KCNT2: variants seen among roughly 807,000 people sequenced by gnomAD.
KCNT2 encodes the protein potassium channel subfamily T member 2.
Under a neutral mutation model 153.8 loss-of-function variants are expected in KCNT2, and 67 were observed. That is an observed-to-expected ratio of 0.44 (90% CI 0.36 to 0.53). The LOEUF is 0.53. KCNT2 is among the 20% of genes least tolerant of loss of function. The probability of loss-of-function intolerance (pLI) is 0.00; values close to 1 mark genes in which losing one functional copy is unlikely to be tolerated. For missense variants in KCNT2, 975 were observed against 1,354.8 expected, an observed-to-expected ratio of 0.72 and a Z score of 4.40; for synonymous variants, 500 against 458.8, an observed-to-expected ratio of 1.09 and a Z score of -1.15.
chr1:196,297,382 C>T (rs747072635), intron 22 of KCNT2, among the ~76,000 whole-genome samples: 1 of 152,044 alleles, frequency 6.6e-6, no homozygotes. Flanking sequence ...TCACAATAGA[C>T]ACATATGCAG....
At chr1:196,352,644 T>G (rs1024636105) in intron 14 of KCNT2, among the ~76,000 whole-genome samples, 3 of 152,166 alleles carry the variant, frequency 2.0e-5, no homozygotes, top group African/African-American at 7.2e-5. Context: ...TGTTGATCCT[T>G]TCAAAAAACC....
chr1:196,381,843 T>G (rs552974269), intron 13 of KCNT2, among the ~76,000 whole-genome samples: 1 of 152,276 alleles, frequency 6.6e-6, no homozygotes, highest in East Asian at 1.9e-4. Flanking sequence ...AATTTGCCTT[T>G]GAGATCAGTT....
At chr1:196,314,615 C>G (rs532320130) in intron 21 of KCNT2, among the ~76,000 whole-genome samples, 1 of 151,620 alleles carries the variant, frequency 6.6e-6, no homozygotes, top group African/African-American at 2.4e-5. Flanking sequence ...CTTTAAATAA[C>G]TGATCTCTAA....
In KCNT2 at chr1:196,280,875, T is replaced by A; in HGVS notation, c.2895A>T (p.Lys965Asn). ...ATTTCCAAACCTCAGATGTAGTAAG[T>A]TTCTGAGACTCAGTCCTGTAGATTC... The part of the protein sequence containing the change: ...PIGIYRTESQ[K>N]LTTSESQISI... Residue 965 changes from lysine (K) to asparagine (N), a missense_variant, in exon 25 of 28, where the codon AAA becomes AAT. Transcript: ENST00000294725. The A allele has an allele frequency of 1.2e-6, 2 of 1,612,350 alleles. No individual in the cohort carries two copies.
At chr1:196,386,828 G>A (rs1352835600) in intron 13 of KCNT2, among the ~76,000 whole-genome samples, 1 of 152,060 alleles carries the variant, frequency 6.6e-6, no homozygotes, top group Non-Finnish European at 1.5e-5. Flanking sequence ...TGGCTTAAAT[G>A]AGAATTTGTT....
At chr1:196,545,063 G>A (rs888296683) in intron 1 of KCNT2, among the ~76,000 whole-genome samples, 5 of 151,886 alleles carry the variant, frequency 3.3e-5, no homozygotes, top group Non-Finnish European at 7.4e-5. Context: ...CTAGCCCAGT[G>A]GACCTTTCAA....
intron 1 of KCNT2, among the ~76,000 whole-genome samples, chr1:196,602,541 G>T (rs1470238494): frequency 6.6e-6 from 1 of 151,986 alleles, no homozygotes; most frequent in Non-Finnish European, 1.5e-5. Flanking sequence ...TGCAGAAAGT[G>T]GCTATATGAT....
intron 10 of KCNT2, 115 bp downstream of exon 10, chr1:196,427,990 T>C: frequency 1.4e-6 from 1 of 695,236 alleles, no homozygotes; most frequent in East Asian, 2.7e-5. Flanking sequence ...TCCTTCTATA[T>C]TTGGTTGTAT....
chr1:196,327,245 C>A (rs113025544), intron 18 of KCNT2, among the ~76,000 whole-genome samples: 2 of 151,338 alleles, frequency 1.3e-5, no homozygotes, highest in African/African-American at 4.9e-5. Flanking sequence ...ATAGTAATAT[C>A]ATAATTAGGT....
At chr1:196,255,564 G>A (rs988089350) in intron 26 of KCNT2, among the ~76,000 whole-genome samples, 4 of 151,692 alleles carry the variant, frequency 2.6e-5, no homozygotes, top group African/African-American at 9.7e-5. Context: ...AGCATATAAC[G>A]CATAATGTGT....
At chr1:196,374,155 GAGA>G (rs1210715086) in intron 13 of KCNT2, among the ~76,000 whole-genome samples, 1 of 151,868 alleles carries the variant, frequency 6.6e-6, no homozygotes, top group African/African-American at 2.4e-5. Flanking sequence ...TAAAAATAAA[GAGA>G]AGGTTTAAAA....
intron 1 of KCNT2, among the ~76,000 whole-genome samples, chr1:196,567,807 G>C (rs1660289811): frequency 6.6e-6 from 1 of 152,216 alleles, no homozygotes; most frequent in Non-Finnish European, 1.5e-5. Context: ...CAGCAGAATT[G>C]CTGAACAGCA....
chr1:196,453,756 T>C (rs1676418105), intron 8 of KCNT2, among the ~76,000 whole-genome samples: 1 of 151,970 alleles, frequency 6.6e-6, no homozygotes, highest in South Asian at 2.1e-4. Context: ...CTCCCTATCT[T>C]TCCCTATAGT....
intron 14 of KCNT2, among the ~76,000 whole-genome samples, chr1:196,352,297 T>C (rs1223323512): frequency 6.6e-6 from 1 of 152,130 alleles, no homozygotes; most frequent in Non-Finnish European, 1.5e-5. Flanking sequence ...TTGCTCCTTG[T>C]ACCTCTGGTA....
chr1:196,304,478 C>G (rs867915283), intron 22 of KCNT2, among the ~76,000 whole-genome samples: 4 of 152,076 alleles, frequency 2.6e-5, no homozygotes, highest in Admixed American at 6.6e-5. Context: ...CTCAGCTTCC[C>G]AGGTCACTCT....
rs868657628 is a variant in KCNT2, at chr1:196,388,218, A to G, written c.1294+10345T>C. 8.6e-5 allele frequency among the ~76,000 whole-genome samples: 13 copies of G among 151,854 alleles called. No individual in the cohort carries two copies. In the South Asian group the frequency reaches 2.7e-3, roughly 31 times the overall value. On this transcript the variant is annotated intron_variant, in intron 13 of 27. Coordinates refer to ENST00000294725, the MANE Select transcript of KCNT2 (RefSeq NM_198503.5). ...AACTTGGCATCGTTGATGAAAATAT[A>G]CAAGTTGATCTACTTCTGGGTTGTA...
At chr1:196,372,509 C>T (rs1293985237) in intron 14 of KCNT2, among the ~76,000 whole-genome samples, 5 of 151,814 alleles carry the variant, frequency 3.3e-5, no homozygotes, top group Non-Finnish European at 5.9e-5. Context: ...GTTATATTTT[C>T]TTTGATCATC....
intron 25 of KCNT2, 109 bp from the exon 26 acceptor site, chr1:196,258,603 G>A (rs1558074277): frequency 3.3e-6 from 3 of 909,816 alleles, no homozygotes; most frequent in African/African-American, 3.4e-5. Flanking sequence ...ACTCAGGAGA[G>A]TTTTCACAGA....
At chr1:196,498,779 C>G (rs1394576099) in intron 1 of KCNT2, among the ~76,000 whole-genome samples, 1 of 152,200 alleles carries the variant, frequency 6.6e-6, no homozygotes, top group Non-Finnish European at 1.5e-5. Flanking sequence ...AAGGTTATCT[C>G]ACTCTGTTTT....
Sources: allele counts gnomAD v4.1 joint callset (sites outside exome capture counted in the v4.1 genomes callset), GRCh38; gene constraint gnomAD v4.1.1; transcripts MANE v1.5; gene names NCBI Gene and HGNC (gene_info 2026-07-23, HGNC 2026-07-21).